Variants in PLXNA2 observed in about 807,000 individuals in gnomAD.
PLXNA2 encodes plexin A2.
In PLXNA2, 91 loss-of-function variants were observed where a neutral mutation model predicts 193.5. The observed-to-expected ratio is 0.47, with a 90% CI of 0.40 to 0.56. PLXNA2 has a LOEUF of 0.56. Ranked by LOEUF, PLXNA2 falls within the 20% of genes least tolerant of loss-of-function variation. The probability of loss-of-function intolerance (pLI) is 0.00; values close to 1 mark genes in which losing one functional copy is unlikely to be tolerated. For synonymous variants in PLXNA2, 997 were observed against 1,027.3 expected, an observed-to-expected ratio of 0.97 and a Z score of 0.56; for missense variants, 1,995 against 2,503.2, an observed-to-expected ratio of 0.80 and a Z score of 4.33.
chr1:208,095,067 C>T (rs561922489), intron 8 of PLXNA2, among the ~76,000 whole-genome samples: 7 of 152,248 alleles, frequency 4.6e-5, no homozygotes, highest in Middle Eastern at 3.4e-3. Flanking sequence ...AGGATGAGTC[C>T]GTAAACATTC....
chr1:208,138,934 G>T (rs6693501), intron 4 of PLXNA2, among the ~76,000 whole-genome samples: 7,836 of 152,296 alleles, frequency 0.051, 273 homozygotes, highest in Non-Finnish European at 0.076. Flanking sequence ...GGCTGAGGCA[G>T]AAGAATCGCT....
intron 17 of PLXNA2, among the ~76,000 whole-genome samples, chr1:208,046,462 G>A (rs893987878): frequency 2.0e-5 from 3 of 152,082 alleles, no homozygotes; most frequent in African/African-American, 7.2e-5. Flanking sequence ...CTGGGGCATG[G>A]GGGGCACACA....
chr1:208,075,271 C>T (rs565775421), intron 12 of PLXNA2, among the ~76,000 whole-genome samples: 7 of 151,498 alleles, frequency 4.6e-5, no homozygotes, highest in African/African-American at 1.7e-4. Flanking sequence ...GATCACACCA[C>T]TGCACTTCAG....
chr1:208,217,724 T>A lies in PLXNA2; in HGVS notation c.199A>T (p.Ile67Phe). ...QGTGAVYVGAINRVYKLTGNL... is the reference protein window; with the variant it reads ...QGTGAVYVGAFNRVYKLTGNL... ...CCTGTCAGCTTATAGACCCGGTTGA[T>A]GGCCCCCACATAGACGGCCCCCGTC... Residue 67 changes from isoleucine to phenylalanine, a missense_variant, in exon 2 of 32, where the codon ATC (isoleucine) becomes TTC (phenylalanine). Transcript: ENST00000367033. This position sits in a 1 kb window ranked among gnomAD's most constrained non-coding sequence, Gnocchi z 4.7. The A allele has an allele frequency of 1.2e-6, 2 of 1,614,184 alleles. No individual in the cohort carries two copies. Among genetic ancestry groups the A allele is most frequent in the Non-Finnish European group, 1.7e-6 (2 of 1,180,030 alleles).
At chr1:208,095,007 G>T (rs1201614862) in intron 8 of PLXNA2, among the ~76,000 whole-genome samples, 1 of 152,196 alleles carries the variant, frequency 6.6e-6, no homozygotes, top group Non-Finnish European at 1.5e-5. Context: ...TACCCCTGAA[G>T]ACCTGACTAT....
intron 2 of PLXNA2, among the ~76,000 whole-genome samples, chr1:208,212,269 GA>G (rs1242237429): frequency 6.6e-6 from 1 of 152,062 alleles, no homozygotes; most frequent in African/African-American, 2.4e-5. Context: ...TATGGCATAT[GA>G]TTTTTTTTTT....
chr1:208,181,973 C>A (rs1040259418), intron 3 of PLXNA2, among the ~76,000 whole-genome samples: 4 of 152,202 alleles, frequency 2.6e-5, no homozygotes, highest in Non-Finnish European at 5.9e-5. Flanking sequence ...CTCCTCCCTG[C>A]TCTAGCTGCT....
chr1:208,227,357 T>G (rs1671545255), intron 1 of PLXNA2, among the ~76,000 whole-genome samples: 1 of 152,212 alleles, frequency 6.6e-6, no homozygotes, highest in Non-Finnish European at 1.5e-5. Flanking sequence ...AAGGTGAGCA[T>G]GACTATCCCC....
chr1:208,087,578 G>C (rs1244432760), intron 9 of PLXNA2, among the ~76,000 whole-genome samples: 2 of 152,142 alleles, frequency 1.3e-5, no homozygotes, highest in Admixed American at 1.3e-4. Flanking sequence ...TTTGGCAATT[G>C]CTCTCAGGTC....
At chr1:208,085,562 G>A (rs139870723) in intron 9 of PLXNA2, among the ~76,000 whole-genome samples, 1 of 152,350 alleles carries the variant, frequency 6.6e-6, no homozygotes, top group African/African-American at 2.4e-5. Context: ...TGTAGGACAT[G>A]TTCAATGACA....
intron 9 of PLXNA2, among the ~76,000 whole-genome samples, chr1:208,091,638 C>T (rs1316462537): frequency 2.6e-5 from 4 of 152,110 alleles, no homozygotes; most frequent in Non-Finnish European, 4.4e-5. Flanking sequence ...TTTGGGAGGC[C>T]GAGGCGGGTG....
At chr1:208,222,901 C>A (rs1671384800) in intron 1 of PLXNA2, among the ~76,000 whole-genome samples, 1 of 152,116 alleles carries the variant, frequency 6.6e-6, no homozygotes, top group African/African-American at 2.4e-5. Flanking sequence ...TTCCTAACAA[C>A]CCTGTCATCA....
chr1:208,052,412 T>A lies in PLXNA2; in HGVS notation c.2908A>T (p.Thr970Ser). 1 of 1,614,132 alleles carries A rather than the reference T, an allele frequency of 6.2e-7. No homozygotes were observed. ...TAATGGCCGGTAATGGTCACCATAG[T>A]GCCTCCTGACTCGGGACCTCGGATT... The part of the protein sequence containing the change: ...NPIRGPESGG[T>S]MVTITGHYLG... The change falls in exon 15 of 32, where the codon ACT becomes TCT. Residue 970 changes from threonine (T) to serine (S), a missense_variant. Coordinates refer to ENST00000367033, the MANE Select transcript of PLXNA2 (RefSeq NM_025179.4).
Position 208,060,682 on chromosome 1 carries a change from T to A in PLXNA2, c.2738+4A>T. ...GGGAAAAGGGCTGGCCAGGGCGGAC[T>A]CACTGCTCAGCGATGATGTATTCCC... is the stretch of plus-strand genomic sequence containing the variant. On this transcript the variant is annotated splice_donor_region_variant and intron_variant, in intron 13 of 31. Coordinates refer to ENST00000367033, the MANE Select transcript of PLXNA2 (RefSeq NM_025179.4). 6.2e-7 allele frequency: 1 copy of A among 1,611,174 alleles called. No individual in the cohort carries two copies. The highest frequency in any genetic ancestry group is 8.5e-7 in the Non-Finnish European group (1 of 1,178,286).
At chr1:208,083,039 C>G (rs534404777) in intron 10 of PLXNA2, among the ~76,000 whole-genome samples, 1 of 152,312 alleles carries the variant, frequency 6.6e-6, no homozygotes, top group East Asian at 1.9e-4. Context: ...TCTCCAGAGG[C>G]AGAGCTAATG....
intron 5 of PLXNA2, 96 bp downstream of exon 5, chr1:208,103,051 A>G: frequency 2.3e-6 from 1 of 440,362 alleles, no homozygotes; most frequent in Non-Finnish European, 3.9e-6. Context: ...GAAGAGGACA[A>G]TTCCTCTCTC....
intron 12 of PLXNA2, among the ~76,000 whole-genome samples, chr1:208,078,597 G>A (rs1009353922): frequency 6.6e-6 from 1 of 152,130 alleles, no homozygotes; most frequent in Non-Finnish European, 1.5e-5. Flanking sequence ...AGTGAAGAGG[G>A]AGCACAGAAC....
chr1:208,039,108 T>G, intron 24 of PLXNA2, 124 bp from the exon 25 acceptor site: 2 of 810,780 alleles, frequency 2.5e-6, no homozygotes, highest in Non-Finnish European at 3.8e-6. Flanking sequence ...ATAAGGGTAC[T>G]TTTCTGGTCT....
intron 3 of PLXNA2, among the ~76,000 whole-genome samples, chr1:208,159,487 C>T (rs529506892): frequency 3.2e-3 from 481 of 152,292 alleles, no homozygotes; most frequent in African/African-American, 0.011. Flanking sequence ...CACAATCCCA[C>T]GTCCTCCAGC....
Sources: gnomAD v4.1 joint callset for allele counts (sites outside exome capture counted in the v4.1 genomes callset) on GRCh38, gnomAD v4.1.1 for gene constraint, Gnocchi (gnomAD v3.1) non-coding constraint, MANE v1.5 for transcripts, NCBI Gene and HGNC (gene_info 2026-07-23, HGNC 2026-07-21) for gene names.